MARK4: variants seen among roughly 807,000 people sequenced by gnomAD.
MARK4 encodes microtubule affinity regulating kinase 4.
In MARK4, 19 loss-of-function variants were observed where a neutral mutation model predicts 81.5. The observed-to-expected ratio is 0.23, with a 90% CI of 0.16 to 0.34. MARK4 has a LOEUF of 0.34. MARK4 is among the 10% of genes least tolerant of loss of function. The probability of loss-of-function intolerance (pLI) is 1.00; values close to 1 mark genes in which losing one functional copy is unlikely to be tolerated. For synonymous variants in MARK4, 436 were observed against 439.0 expected (o/e 0.99, Z 0.08); for missense variants, 772 against 1,058.8 (o/e 0.73, Z 3.76).
chr19:45,266,217 C>T lies in MARK4; in HGVS notation c.493-8C>T, dbSNP rs374621026. 9.9e-6 allele frequency: 16 copies of T among 1,613,592 alleles called. No individual in the cohort carries two copies. The highest frequency in any genetic ancestry group is 1.4e-5 in the Non-Finnish European group (16 of 1,179,724). On this transcript the variant is annotated splice_region_variant and splice_polypyrimidine_tract_variant and intron_variant, in intron 6 of 16. Transcript: ENST00000262891. ...CCACAAATAACCAACCTTCCCCTTC[C>T]CTCCCAGATTGTTTCGGCTGTGCAC...
chr19:45,297,762 G>C lies in MARK4; in HGVS notation c.1685G>C (p.Gly562Ala), dbSNP rs776819644. The change falls in exon 15 of 17, where the codon GGT becomes GCT. Residue 562 changes from glycine (G) to alanine (A), a missense_variant. By Grantham distance (60) the Gly-to-Ala change is moderately conservative. This residue lies in a region of MARK4 where 548 missense variants were observed against 624.3 expected (regional missense o/e 0.88). Coordinates refer to ENST00000262891, the MANE Select transcript of MARK4 (RefSeq NM_001199867.2). ...GGGGAGCGGAGCCGCCTGGCACGTG[G>C]TTCCACCATCCGCAGCACCTTCCAT... ...PSGERSRLAR[G>A]STIRSTFHGG... 7 of 1,578,784 alleles carry C rather than the reference G, an allele frequency of 4.4e-6. No homozygotes were observed. In the South Asian group the frequency reaches 8.1e-5, roughly 18 times the overall value.
chr19:45,294,265 T>C (rs1055725568), intron 13 of MARK4, 84 bp from the exon 14 acceptor site: 18 of 1,291,994 alleles, frequency 1.4e-5, no homozygotes, highest in Non-Finnish European at 1.9e-5. Flanking sequence ...TATTCATCGA[T>C]GGGGAGGGCA....
intron 15 of MARK4, among the ~76,000 whole-genome samples, chr19:45,299,041 GC>G (rs1205346984): frequency 1.4e-5 from 2 of 138,446 alleles, no homozygotes; most frequent in Non-Finnish European, 3.0e-5. Flanking sequence ...ATCAGTCTTG[GC>G]AACAGAGGGA....
At chr19:45,257,027 C>T (rs968906535) in intron 1 of MARK4, among the ~76,000 whole-genome samples, 2 of 151,972 alleles carry the variant, frequency 1.3e-5, no homozygotes, top group African/African-American at 4.8e-5. Flanking sequence ...GATCATAGCT[C>T]ACTGCAGCCT....
In MARK4 at chr19:45,303,984, G is replaced by A. The variant is rs1288610025; in HGVS notation, c.*1274G>A. 6.6e-6 allele frequency: 1 copy of A among 152,274 alleles called. No individual in the cohort carries two copies. The highest frequency in any genetic ancestry group is 1.5e-5 in the Non-Finnish European group (1 of 68,068). 9.4% of individuals were successfully genotyped at this position (152,274 alleles called of 1,614,324 possible). On this transcript the variant is annotated 3_prime_UTR_variant, in exon 17 of 17. Transcript: ENST00000262891. ...TCAGTGTGGCTGCTGTGTTGGGCAT[G>A]GATGGAGAATCAGCAAGAGAAATGC...
intron 10 of MARK4, 140 bp downstream of exon 10, chr19:45,278,755 C>T (rs113627535): frequency 7.2e-5 from 46 of 640,216 alleles, no homozygotes; most frequent in African/African-American, 4.2e-4. Flanking sequence ...AGGCGCCTGC[C>T]GCCATGCCCG....
At chr19:45,264,776 C>A in intron 5 of MARK4, 27 bp downstream of exon 5, 1 of 1,613,906 alleles carries the variant, frequency 6.2e-7, no homozygotes, top group African/African-American at 1.3e-5. Context: ...CTCCGCCCTG[C>A]CCCTGTGCCA....
chr19:45,263,193 A>C, intron 3 of MARK4, 27 bp downstream of exon 3: 3 of 1,612,180 alleles, frequency 1.9e-6, no homozygotes, highest in Non-Finnish European at 2.5e-6. Flanking sequence ...GGGGGAGAGC[A>C]GGAGCCAGGC....
intron 10 of MARK4, among the ~76,000 whole-genome samples, chr19:45,279,372 A>T (rs1970642934): frequency 6.6e-6 from 1 of 152,124 alleles, no homozygotes; most frequent in African/African-American, 2.4e-5. Context: ...CAAAAATTAG[A>T]TGAGTGTGGT....
In MARK4 at chr19:45,302,484, G is replaced by A. The variant is rs200323133; in HGVS notation, c.2033G>A (p.Arg678His). Residue 678 changes from arginine to histidine, a missense_variant, in exon 17 of 17, where the codon CGC (arginine) becomes CAC (histidine). Transcript: ENST00000262891. This position sits in a 1 kb window ranked among gnomAD's most constrained non-coding sequence, Gnocchi z 4.9. ...RPPEALMAAL[R>H]QATAAARCRC... ...CCTGAGGCCCTGATGGCAGCTCTGC[G>A]CCAGGCCACAGCAGCCGCCCGCTGC... The A allele has an allele frequency of 1.4e-5, 23 of 1,610,552 alleles. No homozygotes were observed. The Middle Eastern group carries it at 8.3e-4, about 58-fold the overall frequency.
At chr19:45,292,214 G>A (rs1221846628) in intron 13 of MARK4, among the ~76,000 whole-genome samples, 5 of 152,102 alleles carry the variant, frequency 3.3e-5, no homozygotes, top group Non-Finnish European at 7.4e-5. Flanking sequence ...GAGGTGGGAG[G>A]ATTGCTTGAG....
intron 8 of MARK4, among the ~76,000 whole-genome samples, chr19:45,273,133 C>CT (rs796309964): frequency 1.9e-4 from 27 of 144,736 alleles, no homozygotes; most frequent in South Asian, 4.4e-4. Flanking sequence ...TTGTTGCTTG[C>CT]TTTTTTTTTT....
intron 8 of MARK4, among the ~76,000 whole-genome samples, chr19:45,273,562 GCGC>G (rs1970559796): frequency 6.6e-6 from 1 of 152,134 alleles, no homozygotes; most frequent in Non-Finnish European, 1.5e-5. Context: ...GCATTTAGCT[GCGC>G]CATCTCTTGT....
chr19:45,293,028 G>A (rs1970838981), intron 13 of MARK4, among the ~76,000 whole-genome samples: 1 of 152,204 alleles, frequency 6.6e-6, no homozygotes, highest in Non-Finnish European at 1.5e-5. Context: ...AGCACTTTGG[G>A]AGGCTGAGGC....
intron 2 of MARK4, among the ~76,000 whole-genome samples, chr19:45,262,521 A>G (rs1477991429): frequency 6.6e-6 from 1 of 152,230 alleles, no homozygotes; most frequent in Non-Finnish European, 1.5e-5. Context: ...TGTTCAAAAC[A>G]AAGATGTGAT....
intron 12 of MARK4, among the ~76,000 whole-genome samples, chr19:45,287,003 T>C (rs910057669): frequency 6.6e-6 from 1 of 152,058 alleles, no homozygotes; most frequent in African/African-American, 2.4e-5. Context: ...CCTTGACTTA[T>C]CTAGTCATTC....
chr19:45,264,598 TG>T (rs944360103), intron 4 of MARK4, 85 bp from the exon 5 acceptor site: 1 of 1,302,950 alleles, frequency 7.7e-7, no homozygotes, highest in Non-Finnish European at 1.1e-6. Flanking sequence ...GGGGGTGTTA[TG>T]GTTGGCACAT....
In MARK4 at chr19:45,259,103, G is replaced by T; in HGVS notation, c.166G>T (p.Val56Leu). The T allele has an allele frequency of 1.9e-6, 3 of 1,614,050 alleles. No homozygotes were observed. The East Asian group carries it at 6.7e-5, about 36-fold the overall frequency. Residue 56 changes from valine to leucine, a missense_variant, in exon 2 of 17, where the codon GTG (valine) becomes TTG (leucine). Around this residue, in one of 3 missense-constraint regions of MARK4, gnomAD observed 115 missense variants for 139.8 expected, o/e 0.82. Transcript: ENST00000262891. ...CTCCTGTCCCGAGGAGCAGCCCCAC[G>T]TGGGCAACTACCGCCTGCTGAGGAC... ...IASCPEEQPH[V>L]GNYRLLRTIG... is the part of the protein sequence containing the mutation.
intron 7 of MARK4, among the ~76,000 whole-genome samples, chr19:45,270,360 T>C (rs1970509836): frequency 6.6e-6 from 1 of 152,180 alleles, no homozygotes; most frequent in Non-Finnish European, 1.5e-5. Flanking sequence ...CTTCACGTTA[T>C]GCAGACAGAC....
Sources: gnomAD v4.1 joint callset for allele counts (sites outside exome capture counted in the v4.1 genomes callset) on GRCh38, gnomAD v4.1.1 for gene constraint, gnomAD v4.1.1 regional missense constraint, Gnocchi (gnomAD v3.1) non-coding constraint, MANE v1.5 for transcripts, NCBI Gene and HGNC (gene_info 2026-07-23, HGNC 2026-07-21) for gene names.